Variants in CRX observed in about 807,000 individuals in gnomAD.
CRX encodes cone-rod homeobox.
Under a neutral mutation model 13.1 loss-of-function variants are expected in CRX, and 5 were observed. The observed-to-expected ratio is 0.38, with a 90% CI of 0.20 to 0.80. The LOEUF (loss-of-function observed/expected upper bound fraction) is 0.80, where lower values mean the gene tolerates loss of function less well. CRX is among the 30% of genes least tolerant of loss of function. The pLI is 0.43. For synonymous variants in CRX, 179 were observed against 171.1 expected (o/e 1.05, Z -0.36); for missense variants, 351 against 391.8 (o/e 0.90, Z 0.88).
At chr19:47,838,520 T>C (rs1968146748) in intron 3 of CRX, among the ~76,000 whole-genome samples, 1 of 152,162 alleles carries the variant, frequency 6.6e-6, no homozygotes, top group Admixed American at 6.5e-5. Flanking sequence ...TATATATGTA[T>C]GATCAGATGG....
intron 1 of CRX, among the ~76,000 whole-genome samples, chr19:47,823,673 G>A (rs946434606): frequency 2.6e-4 from 36 of 138,644 alleles, no homozygotes; most frequent in South Asian, 2.3e-4. Flanking sequence ...TTTTTGAGAC[G>A]GAGTCTCACT....
intron 1 of CRX, among the ~76,000 whole-genome samples, chr19:47,828,602 G>A (rs1484554533): frequency 1.1e-5 from 1 of 87,184 alleles, no homozygotes; most frequent in Non-Finnish European, 2.3e-5. Flanking sequence ...TTGAAGAAAA[G>A]GAGGTAGGGA....
At position 47,836,250 on chromosome 19, in the gene CRX, C is replaced by G; in HGVS notation, c.108C>G (p.Pro36=). Residue 36 remains proline, a synonymous_variant, in exon 3 of 4, where the codon CCC becomes CCG. Coordinates refer to ENST00000221996, the MANE Select transcript of CRX (RefSeq NM_000554.6). The stretch of plus-strand genomic sequence containing the variant: ...TTTCCCATCCCACCCCAGGCGCCCC[C>G]AGGAAGCAGCGGCGGGAGCGCACCA... ...MHQAVPYPSA[P]RKQRRERTTF... 1 of 1,614,208 alleles carries G rather than the reference C, an allele frequency of 6.2e-7. No individual in the cohort carries two copies. The highest frequency in any genetic ancestry group is 8.5e-7 in the Non-Finnish European group (1 of 1,180,044).
intron 1 of CRX, among the ~76,000 whole-genome samples, chr19:47,828,078 T>C (rs10410722): frequency 0.54 from 80,730 of 150,882 alleles, 23,039 homozygotes; most frequent in African/African-American, 0.7. Context: ...CACTTGACCC[T>C]GGGAGGCAGA....
chr19:47,839,865 C>T lies in CRX; in HGVS notation c.798C>T (p.Ser266=). ...QSYGAYSPVD[S]LEFKDPTGTW... The stretch of plus-strand genomic sequence containing the variant: ...ATGGCGCCTACAGCCCCGTGGATAG[C>T]TTGGAATTCAAGGACCCCACGGGCA... Residue 266 remains serine (S), a synonymous_variant, in exon 4 of 4, where the codon AGC becomes AGT. Transcript: ENST00000221996. The surrounding 1 kb of genome is among the most constrained non-coding windows in gnomAD (Gnocchi z 4.6). 6.2e-7 allele frequency: 1 copy of T among 1,614,160 alleles called. No individual in the cohort carries two copies. The highest frequency in any genetic ancestry group is 8.5e-7 in the Non-Finnish European group (1 of 1,180,032).
intron 1 of CRX, among the ~76,000 whole-genome samples, chr19:47,824,213 G>C (rs563680709): frequency 1.2e-4 from 19 of 152,292 alleles, no homozygotes; most frequent in African/African-American, 4.1e-4. Context: ...TTTTACCCCT[G>C]GTTCTTCCAC....
Position 47,835,807 on chromosome 19 carries a change from G to C in CRX, c.101-436G>C, listed in dbSNP as rs142576483. Among the ~76,000 whole-genome samples, 310 of 151,898 alleles carry C rather than the reference G, an allele frequency of 2.0e-3. 1 individual carries two copies. Among genetic ancestry groups the C allele is most frequent in the African/African-American group, 7.1e-3 (296 of 41,414 alleles). ...TGGCTAATTTTTTGTATTTTTAGTA[G>C]AGACAGGGGTTCCCCATGTTGGCCA... On this transcript the variant is annotated intron_variant, in intron 2 of 3. Coordinates refer to ENST00000221996, the MANE Select transcript of CRX (RefSeq NM_000554.6).
rs3848537 is a variant in CRX, at chr19:47,840,368, A to C, written c.*401A>C. ...AACAAGCAGGTAGGGGGGCTTGATA[A>C]CTTAACTTTCCACGTGGACAGAATT... On this transcript the variant is annotated 3_prime_UTR_variant, in exon 4 of 4. Coordinates refer to ENST00000221996, the MANE Select transcript of CRX (RefSeq NM_000554.6). The C allele has an allele frequency of 0.33, 72,105 of 217,346 alleles. 13,225 individuals carry two copies. The highest frequency in any genetic ancestry group is 0.39 in the Non-Finnish European group (42,113 of 107,222). 13.5% of individuals were successfully genotyped at this position (217,346 alleles called of 1,614,324 possible).
At chr19:47,825,320 G>T (rs570181961) in intron 1 of CRX, among the ~76,000 whole-genome samples, 35 of 152,124 alleles carry the variant, frequency 2.3e-4, no homozygotes, top group African/African-American at 8.2e-4. Flanking sequence ...GAGTGCAGTG[G>T]CTGGATCATA....
chr19:47,823,998 C>T (rs1264452895), intron 1 of CRX, among the ~76,000 whole-genome samples: 1 of 152,136 alleles, frequency 6.6e-6, no homozygotes, highest in African/African-American at 2.4e-5. Flanking sequence ...GCCTTGGACC[C>T]CTCATGTGGG....
intron 1 of CRX, among the ~76,000 whole-genome samples, chr19:47,831,726 G>A (rs1045878831): frequency 2.0e-5 from 3 of 151,838 alleles, no homozygotes; most frequent in Admixed American, 6.6e-5. Flanking sequence ...TCTTATTGCC[G>A]AGCCTAGAAC....
At chr19:47,830,793 TAA>T (rs36112007) in intron 1 of CRX, among the ~76,000 whole-genome samples, 22 of 137,830 alleles carry the variant, frequency 1.6e-4, no homozygotes, top group East Asian at 2.2e-4. Context: ...AAGACTCCAT[TAA>T]AAAAAAAAAA....
rs1038364402 is a variant in CRX, at chr19:47,839,008, G to A, written c.253-312G>A. 1.3e-5 allele frequency among the ~76,000 whole-genome samples: 2 copies of A among 151,928 alleles called. No homozygotes were observed. Among genetic ancestry groups the A allele is most frequent in the African/African-American group, 4.8e-5 (2 of 41,330 alleles). On this transcript the variant is annotated intron_variant, in intron 3 of 3. Coordinates refer to ENST00000221996, the MANE Select transcript of CRX (RefSeq NM_000554.6). This position sits in a 1 kb window ranked among gnomAD's most constrained non-coding sequence, Gnocchi z 4.6. ...TGTATGATGTATGTATGATCATATCGATGGGTAAATGCAGGCATGATGTAT... is the reference window on the plus strand; with the variant it reads ...TGTATGATGTATGTATGATCATATCAATGGGTAAATGCAGGCATGATGTAT...
rs922127298 is a variant in CRX, at chr19:47,835,359, G to A, written c.100+816G>A. Among the ~76,000 whole-genome samples, 53 of 150,894 alleles carry A rather than the reference G, an allele frequency of 3.5e-4. 2 individuals carry two copies. Among genetic ancestry groups the A allele is most frequent in the Admixed American group, 3.2e-3 (48 of 15,120 alleles). The stretch of plus-strand genomic sequence containing the variant: ...AGGCATGAGCCACTGCACCTGGCCT[G>A]CAAAGCCTTATTTCTTTTTCTTTTT... On this transcript the variant is annotated intron_variant, in intron 2 of 3. Transcript: ENST00000221996.
Position 47,839,168 on chromosome 19 carries a change from A to T in CRX, c.253-152A>T. On this transcript the variant is annotated intron_variant, in intron 3 of 3. Coordinates refer to ENST00000221996, the MANE Select transcript of CRX (RefSeq NM_000554.6). This position sits in a 1 kb window ranked among gnomAD's most constrained non-coding sequence, Gnocchi z 4.6. ...TATGATTGGATGGATAGATGGATGG[A>T]TGGGTGAATAGACGCCCCACAGCTG... 3 of 766,242 alleles carry T rather than the reference A, an allele frequency of 3.9e-6. No individual in the cohort carries two copies. In the South Asian group the frequency reaches 5.1e-5, roughly 13 times the overall value. 47.5% of individuals were successfully genotyped at this position (766,242 alleles called of 1,614,324 possible).
intron 1 of CRX, among the ~76,000 whole-genome samples, chr19:47,830,279 G>A (rs1862484): frequency 0.49 from 74,154 of 151,212 alleles, 18,861 homozygotes; most frequent in Middle Eastern, 0.63. Context: ...GCTGCACTCC[G>A]GCCTGGATGA....
intron 1 of CRX, among the ~76,000 whole-genome samples, chr19:47,828,675 G>T (rs1568622148): frequency 6.6e-6 from 1 of 151,212 alleles, no homozygotes; most frequent in African/African-American, 2.4e-5. Context: ...GGGGAAAGTA[G>T]CTGAGCTGAG....
intron 3 of CRX, among the ~76,000 whole-genome samples, chr19:47,838,932 T>A (rs1391825791): frequency 6.6e-6 from 1 of 151,834 alleles, no homozygotes; most frequent in East Asian, 1.9e-4. Flanking sequence ...ATGGTGTATA[T>A]ATGTATAACT....
chr19:47,824,496 A>G (rs1190442510), intron 1 of CRX, among the ~76,000 whole-genome samples: 1 of 152,150 alleles, frequency 6.6e-6, no homozygotes, highest in Non-Finnish European at 1.5e-5. Flanking sequence ...CCTGGGAGGA[A>G]GTTTCCATGG....
Sources: gnomAD v4.1 joint callset for allele counts (sites outside exome capture counted in the v4.1 genomes callset) on GRCh38, gnomAD v4.1.1 for gene constraint, Gnocchi (gnomAD v3.1) non-coding constraint, MANE v1.5 for transcripts, NCBI Gene and HGNC (gene_info 2026-07-23, HGNC 2026-07-21) for gene names.